COL5A1: variants seen among roughly 807,000 people sequenced by gnomAD.
COL5A1 encodes collagen type V alpha 1 chain.
A neutral mutation model predicts 263.7 loss-of-function variants in COL5A1; 16 were observed. The ratio of observed to expected loss-of-function variants is 0.06; its 90% CI spans 0.04 to 0.09. The LOEUF (loss-of-function observed/expected upper bound fraction) is 0.09, where lower values mean the gene tolerates loss of function less well. Among genes scored for constraint, COL5A1 ranks in the 10% least tolerant of loss-of-function variants. The probability of loss-of-function intolerance (pLI) is 1.00; values close to 1 mark genes in which losing one functional copy is unlikely to be tolerated. For missense variants in COL5A1, 2,036 were observed against 2,540.5 expected (o/e 0.80, Z 4.27); for synonymous variants, 1,012 against 1,004.5 (o/e 1.01, Z -0.14).
chr9:134,642,060 A>C lies in COL5A1; in HGVS notation c.-128A>C. The C allele has an allele frequency of 1.3e-6, 1 of 778,104 alleles. No individual in the cohort carries two copies. 48.2% of individuals were successfully genotyped at this position (778,104 alleles called of 1,614,324 possible). A position where few individuals can be genotyped will look rare whatever the true frequency, so the allele number is the denominator to read the frequency against. ...CCACAAAGAAGAACGGGGGGTGCCG[A>C]GGTCCCCATGACCTCCTAAAGTGGT... On this transcript the variant is annotated 5_prime_UTR_variant, in exon 1 of 66. Transcript: ENST00000371817. This position sits in a 1 kb window ranked among gnomAD's most constrained non-coding sequence, Gnocchi z 4.5.
Position 134,652,260 on chromosome 9 carries a change from A to T in COL5A1, c.109+9964A>T, listed in dbSNP as rs973607162. The stretch of plus-strand genomic sequence containing the variant: ...TTGAGCAGTGGAGATACTCAGCTGA[A>T]GGTTGAGAACACACAGGGCGTCCTT... On this transcript the variant is annotated intron_variant, in intron 1 of 65. Coordinates refer to ENST00000371817, the MANE Select transcript of COL5A1 (RefSeq NM_000093.5). This position sits in a 1 kb window ranked among gnomAD's most constrained non-coding sequence, Gnocchi z 4.4. 6.6e-6 allele frequency among the ~76,000 whole-genome samples: 1 copy of T among 152,182 alleles called. No individual in the cohort carries two copies. The highest frequency in any genetic ancestry group is 1.5e-5 in the Non-Finnish European group (1 of 68,018).
chr9:134,824,066 G>C (rs1202848916), intron 61 of COL5A1, among the ~76,000 whole-genome samples: 1 of 152,176 alleles, frequency 6.6e-6, no homozygotes. Flanking sequence ...CCCTGGAGGT[G>C]AAAGGTGAAG....
At chr9:134,777,201 CT>C (rs1263493730) in intron 27 of COL5A1, among the ~76,000 whole-genome samples, 4 of 152,242 alleles carry the variant, frequency 2.6e-5, no homozygotes, top group Admixed American at 1.3e-4. Context: ...TAGCCCCCAG[CT>C]GCTAGGGGGT....
rs569608260 is a variant in COL5A1, at chr9:134,785,891, C to T, written c.2593-104C>T. The T allele has an allele frequency of 6.8e-4, 735 of 1,082,698 alleles. 4 individuals are homozygous for T. In the African/African-American group the frequency reaches 8.2e-3, roughly 12 times the overall value. The allele number at this position is 1,082,698 out of a possible 1,614,324, so 67.1% of individuals were successfully genotyped here. On this transcript the variant is annotated intron_variant, in intron 30 of 65. Transcript: ENST00000371817. ...GTGCCCCCGCCTCTGGAAACCACAC[C>T]CTCCTCCAGGCCCCTGCCAGAACGC...
At chr9:134,651,531 A>C (rs1831686510) in intron 1 of COL5A1, among the ~76,000 whole-genome samples, 1 of 152,178 alleles carries the variant, frequency 6.6e-6, no homozygotes, top group Non-Finnish European at 1.5e-5. Context: ...TAAAAATAAA[A>C]ATGTACACCA....
chr9:134,825,701 G>C, intron 62 of COL5A1, 91 bp from the exon 63 acceptor site: 1 of 820,632 alleles, frequency 1.2e-6, no homozygotes, highest in South Asian at 1.4e-5. Context: ...CATTTTAACT[G>C]CTGGACTGAA....
In COL5A1 at chr9:134,842,325, C is replaced by G. The variant is rs772664778; in HGVS notation, c.*22C>G. ...CTAGGAGCCGCCGAGCCCGGGCTCC[C>G]GAGAGCAACCTCGTGACCTCAGCAT... On this transcript the variant is annotated 3_prime_UTR_variant, in exon 66 of 66. Coordinates refer to ENST00000371817, the MANE Select transcript of COL5A1 (RefSeq NM_000093.5). This position sits in a 1 kb window ranked among gnomAD's most constrained non-coding sequence, Gnocchi z 5.8. 2 of 1,613,606 alleles carry G rather than the reference C, an allele frequency of 1.2e-6. No individual in the cohort carries two copies. Among genetic ancestry groups the G allele is most frequent in the Admixed American group, 1.7e-5 (1 of 59,988 alleles).
At chr9:134,810,910 AC>A (rs1232741157) in intron 44 of COL5A1, among the ~76,000 whole-genome samples, 3 of 151,972 alleles carry the variant, frequency 2.0e-5, no homozygotes, top group African/African-American at 7.3e-5. Context: ...AGGGCACTGT[AC>A]CCTCCTTGCT....
intron 62 of COL5A1, 104 bp downstream of exon 62, chr9:134,824,959 A>C: frequency 1.4e-6 from 2 of 1,442,236 alleles, no homozygotes; most frequent in Admixed American, 4.5e-5. Flanking sequence ...CGGAAGGGAC[A>C]GGACGGGCAG....
In COL5A1 at chr9:134,686,471, C is replaced by T. The variant is rs2132543167; in HGVS notation, c.110-4441C>T. On this transcript the variant is annotated intron_variant, in intron 1 of 65. Transcript: ENST00000371817. The surrounding 1 kb of genome is among the most constrained non-coding windows in gnomAD (Gnocchi z 4.6). ...TTTACCATGTTGCCCAGGTTGATCT[C>T]CAACTCCCGAGCTCAAGCCATCTGC... 6.6e-6 allele frequency among the ~76,000 whole-genome samples: 1 copy of T among 152,220 alleles called. No homozygotes were observed. Among genetic ancestry groups the T allele is most frequent in the African/African-American group, 2.4e-5 (1 of 41,532 alleles).
chr9:134,809,490 G>A (rs917032028), intron 43 of COL5A1, among the ~76,000 whole-genome samples, 200 bp downstream of exon 43: 2 of 152,022 alleles, frequency 1.3e-5, no homozygotes, highest in East Asian at 1.9e-4. Flanking sequence ...CGCCGTCCCC[G>A]GCACGCTCGA....
chr9:134,766,861 C>T (rs1033771241), intron 22 of COL5A1, 139 bp from the exon 23 acceptor site: 11 of 850,150 alleles, frequency 1.3e-5, no homozygotes, highest in Admixed American at 4.0e-5. Flanking sequence ...GGGACCCGGC[C>T]GCCTTTCCCT....
chr9:134,726,641 T>C (rs1169320170), intron 4 of COL5A1, among the ~76,000 whole-genome samples: 1 of 149,716 alleles, frequency 6.7e-6, no homozygotes, highest in Non-Finnish European at 1.5e-5. Context: ...AATGGATGGG[T>C]AGATGGATGG....
Position 134,844,027 on chromosome 9 carries a change from C to G in COL5A1, c.*1724C>G, listed in dbSNP as rs528956025. On this transcript the variant is annotated 3_prime_UTR_variant, in exon 66 of 66. Transcript: ENST00000371817. ...GATCTCTTCACTGTGAAAAGTTGCCCGGGTGCAGCGCCTTTTCCTTCTACC... is the reference window on the plus strand; with the variant it reads ...GATCTCTTCACTGTGAAAAGTTGCCGGGGTGCAGCGCCTTTTCCTTCTACC... 2 of 152,244 alleles carry G rather than the reference C, an allele frequency of 1.3e-5. No homozygotes were observed. Among genetic ancestry groups the G allele is most frequent in the Non-Finnish European group, 2.9e-5 (2 of 68,050 alleles). 9.4% of individuals were successfully genotyped at this position (152,244 alleles called of 1,614,324 possible).
At position 134,827,043 on chromosome 9, in the gene COL5A1, G is replaced by A. The variant is rs554203360; in HGVS notation, c.5067+1139G>A. On this transcript the variant is annotated intron_variant, in intron 63 of 65. Coordinates refer to ENST00000371817, the MANE Select transcript of COL5A1 (RefSeq NM_000093.5). ...CTCGTGCCCCTGCATCAGCTTGAAC[G>A]GCCTCTCCTTCATGAGCTCGCAGTT... Among the ~76,000 whole-genome samples the A allele has an allele frequency of 9.6e-4, 146 of 152,286 alleles. 1 individual carries two copies. The highest frequency in any genetic ancestry group is 1.7e-3 in the Non-Finnish European group (113 of 68,022).
chr9:134,783,004 G>A (rs1837319190), intron 29 of COL5A1, among the ~76,000 whole-genome samples: 1 of 152,220 alleles, frequency 6.6e-6, no homozygotes, highest in African/African-American at 2.4e-5. Context: ...AGTGGGGCTG[G>A]GTTCACTTCT....
intron 58 of COL5A1, among the ~76,000 whole-genome samples, chr9:134,820,894 C>T (rs1185176507): frequency 6.6e-6 from 1 of 152,128 alleles, no homozygotes; most frequent in African/African-American, 2.4e-5. Flanking sequence ...CAAGGTGTGA[C>T]GGACACACAC....
intron 39 of COL5A1, 53 bp downstream of exon 39, chr9:134,803,048 T>G: frequency 7.0e-7 from 1 of 1,432,108 alleles, no homozygotes; most frequent in African/African-American, 1.4e-5. Context: ...AGGAATCATT[T>G]TGGGACTTTG....
chr9:134,700,240 C>A lies in COL5A1; in HGVS notation c.491+118C>A. On this transcript the variant is annotated intron_variant, in intron 3 of 65. Coordinates refer to ENST00000371817, the MANE Select transcript of COL5A1 (RefSeq NM_000093.5). The surrounding 1 kb of genome is among the most constrained non-coding windows in gnomAD (Gnocchi z 4.0). ...GTGCAGCAGCCGGTACTGAGACTCC[C>A]ACAGACGCCGCAGCAGAGGAGAGGG... The A allele has an allele frequency of 2.1e-6, 2 of 941,740 alleles. No individual in the cohort carries two copies. Among genetic ancestry groups the A allele is most frequent in the Admixed American group, 2.1e-5 (1 of 47,520 alleles). 58.3% of individuals were successfully genotyped at this position (941,740 alleles called of 1,614,324 possible). A position where few individuals can be genotyped will look rare whatever the true frequency, so the allele number is the denominator to read the frequency against.
Sources: gnomAD v4.1 joint callset for allele counts (sites outside exome capture counted in the v4.1 genomes callset) on GRCh38, gnomAD v4.1.1 for gene constraint, Gnocchi (gnomAD v3.1) non-coding constraint, MANE v1.5 for transcripts, NCBI Gene and HGNC (gene_info 2026-07-23, HGNC 2026-07-21) for gene names.